The following SPOCK2 variants were observed in gnomAD, a reference collection of about 807,000 sequenced individuals.
SPOCK2 encodes testican-2.
A neutral mutation model predicts 60.1 loss-of-function variants in SPOCK2; 39 were observed. The observed-to-expected ratio is 0.65, with a 90% CI of 0.50 to 0.85. The LOEUF is 0.85. SPOCK2 is among the 40% of genes least tolerant of loss of function. The pLI is 0.00. For synonymous variants in SPOCK2, 217 were observed against 231.5 expected (o/e 0.94, Z 0.57); for missense variants, 523 against 567.4 (o/e 0.92, Z 0.80).
chr10:72,067,764 A>T (rs748169576), intron 6 of SPOCK2, 32 bp from the exon 7 acceptor site: 8 of 1,606,608 alleles, frequency 5.0e-6, no homozygotes, highest in African/African-American at 2.7e-5. Context: ...TGGAGGGCGA[A>T]TGTGCAGTGG....
rs1840882509 is a variant in SPOCK2, at chr10:72,087,843, C to A, written c.189+297G>T. Among the ~76,000 whole-genome samples, 1 of 152,100 alleles carries A rather than the reference C, an allele frequency of 6.6e-6. No individual in the cohort carries two copies. On this transcript the variant is annotated intron_variant, in intron 1 of 10. Coordinates refer to ENST00000373109, the MANE Select transcript of SPOCK2 (RefSeq NM_001244950.2). The surrounding 1 kb of genome is among the most constrained non-coding windows in gnomAD (Gnocchi z 4.7). ...GGGTCCGGGTCCCCCCGGCCCCGCA[C>A]CCCTTCCCACTCCCGGCCCGCAGGG...
intron 4 of SPOCK2, among the ~76,000 whole-genome samples, chr10:72,071,434 C>T (rs1840645993): frequency 1.3e-5 from 2 of 152,206 alleles, no homozygotes; most frequent in Non-Finnish European, 2.9e-5. Context: ...GGTGATCCAC[C>T]CGCCTTGGCT....
At chr10:72,077,844 C>A (rs1367877943) in intron 1 of SPOCK2, among the ~76,000 whole-genome samples, 5 of 152,140 alleles carry the variant, frequency 3.3e-5, no homozygotes, top group Non-Finnish European at 4.4e-5. Flanking sequence ...CTCCCGAATC[C>A]CTCTCGCTTG....
intron 2 of SPOCK2, 167 bp downstream of exon 2, chr10:72,072,735 C>T (rs1391631713): frequency 7.4e-7 from 1 of 1,357,852 alleles, no homozygotes; most frequent in Non-Finnish European, 1.0e-6. Flanking sequence ...CCTATAAACC[C>T]ATGTCCAGAA....
intron 8 of SPOCK2, among the ~76,000 whole-genome samples, chr10:72,064,817 G>C (rs1481467657): frequency 6.6e-6 from 1 of 151,914 alleles, no homozygotes; most frequent in Non-Finnish European, 1.5e-5. Flanking sequence ...TGCAAGCTCT[G>C]CCTCCCGGGT....
At chr10:72,080,984 G>C (rs1840776621) in intron 1 of SPOCK2, among the ~76,000 whole-genome samples, 1 of 152,084 alleles carries the variant, frequency 6.6e-6, no homozygotes, top group Admixed American at 6.5e-5. Context: ...GAGGTGTGAG[G>C]GGCCCGGGGC....
Position 72,075,922 on chromosome 10 carries a change from C to T in SPOCK2, c.190-3012G>A, listed in dbSNP as rs1002352061. Among the ~76,000 whole-genome samples, 3 of 152,180 alleles carry T rather than the reference C, an allele frequency of 2.0e-5. No individual in the cohort carries two copies. In the East Asian group the frequency reaches 5.8e-4, roughly 29 times the overall value. On this transcript the variant is annotated intron_variant, in intron 1 of 10. Transcript: ENST00000373109. ...TGCACCTTGGGCAAGCACCCGACCT[C>T]GAGGGGCTCAGTGCCTATCTCCCAG...
intron 1 of SPOCK2, among the ~76,000 whole-genome samples, chr10:72,083,572 CCT>C (rs1306909749): frequency 6.6e-6 from 1 of 152,212 alleles, no homozygotes; most frequent in African/African-American, 2.4e-5. Flanking sequence ...GGCTTCCCAT[CCT>C]CTCAGGCTGC....
chr10:72,067,212 C>G, intron 7 of SPOCK2, 92 bp from the exon 8 acceptor site: 1 of 1,315,844 alleles, frequency 7.6e-7, no homozygotes, highest in Non-Finnish European at 1.0e-6. Context: ...AGCCCCAGCC[C>G]TCTATTCTGG....
chr10:72,087,168 A>C lies in SPOCK2; in HGVS notation c.189+972T>G, dbSNP rs1840869880. ...CCACACCCTCCGCCCGCCCTGCCTC[A>C]CCCCTGCTTCCCCAGCCCCCAACCC... On this transcript the variant is annotated intron_variant, in intron 1 of 10. Transcript: ENST00000373109. This position sits in a 1 kb window ranked among gnomAD's most constrained non-coding sequence, Gnocchi z 4.7. Among the ~76,000 whole-genome samples, 1 of 143,640 alleles carries C rather than the reference A, an allele frequency of 7.0e-6. No homozygotes were observed. Among genetic ancestry groups the C allele is most frequent in the African/African-American group, 2.6e-5 (1 of 38,150 alleles). 94.2% of individuals were successfully genotyped at this position (143,640 alleles called of 152,430 possible). A position where few individuals can be genotyped will look rare whatever the true frequency, so the allele number is the denominator to read the frequency against.
chr10:72,083,953 G>T (rs1245552), intron 1 of SPOCK2, among the ~76,000 whole-genome samples: 82,203 of 151,904 alleles, frequency 0.54, 24,140 homozygotes, highest in African/African-American at 0.78. Flanking sequence ...AGGTGTGTGG[G>T]GTGGGAAGCA....
rs1212533711 is a variant in SPOCK2 at position 72,067,622 on chromosome 10, G to A, written c.700C>T (p.Pro234Ser). Residue 234 changes from proline (P) to serine (S), a missense_variant, in exon 7 of 11, where the codon CCG (proline) becomes TCG (serine). By Grantham distance (74) the Pro-to-Ser change is moderately conservative. Transcript: ENST00000373109. ...GCAGCAAGCTTCCTACCGCTGGCCGGGCCGGCTACACTGCTGGCTGAGCCA... is the reference window on the plus strand; with the variant it reads ...GCAGCAAGCTTCCTACCGCTGGCCGAGCCGGCTACACTGCTGGCTGAGCCA... ...QNGSASSVAGPASGLDKSLGA... is the reference protein window; with the variant it reads ...QNGSASSVAGSASGLDKSLGA... 1.9e-6 allele frequency: 3 copies of A among 1,612,718 alleles called. No individual in the cohort carries two copies. Among genetic ancestry groups the A allele is most frequent in the East Asian group, 2.2e-5 (1 of 44,878 alleles).
intron 8 of SPOCK2, among the ~76,000 whole-genome samples, chr10:72,065,965 G>A (rs1226730981): frequency 2.0e-5 from 3 of 152,118 alleles, no homozygotes; most frequent in African/African-American, 4.8e-5. Flanking sequence ...GGTGGGGCCC[G>A]GGCTGAAGCT....
Position 72,087,999 on chromosome 10 carries a change from A to C in SPOCK2, c.189+141T>G. 1 of 1,080,364 alleles carries C rather than the reference A, an allele frequency of 9.3e-7. No individual in the cohort carries two copies. The highest frequency in any genetic ancestry group is 1.3e-6 in the Non-Finnish European group (1 of 749,348). The allele number at this position is 1,080,364 out of a possible 1,614,324, so 66.9% of individuals were successfully genotyped here. The stretch of plus-strand genomic sequence containing the variant: ...GGGGCGCTGGGCTGTGACCCCCAGT[A>C]CTGTTTACTTTCCGTGTAATTAGCC... On this transcript the variant is annotated intron_variant, in intron 1 of 10. Transcript: ENST00000373109. The surrounding 1 kb of genome is among the most constrained non-coding windows in gnomAD (Gnocchi z 4.7).
intron 1 of SPOCK2, among the ~76,000 whole-genome samples, chr10:72,073,577 C>G (rs867714926): frequency 2.0e-5 from 3 of 152,220 alleles, no homozygotes; most frequent in South Asian, 2.1e-4. Context: ...GTCCAGCCCC[C>G]CCTTTGTGCC....
intron 1 of SPOCK2, among the ~76,000 whole-genome samples, chr10:72,078,823 G>A (rs550401153): frequency 4.6e-5 from 7 of 152,294 alleles, no homozygotes; most frequent in African/African-American, 1.7e-4. Context: ...CAGGCCAGCT[G>A]TGCCTCACAG....
chr10:72,068,224 C>T lies in SPOCK2; in HGVS notation c.552G>A (p.Thr184=), dbSNP rs146524881. The T allele has an allele frequency of 1.4e-5, 22 of 1,610,318 alleles. No individual in the cohort carries two copies. Among genetic ancestry groups the T allele is most frequent in the Admixed American group, 5.0e-5 (3 of 59,804 alleles). Residue 184 remains threonine (T), a synonymous_variant, in exon 6 of 11, where the codon ACG becomes ACA. Coordinates refer to ENST00000373109, the MANE Select transcript of SPOCK2 (RefSeq NM_001244950.2). ...VRCEGPCPCP[T]EQAATSTADG... Reference sequence around the variant, plus strand: ...CGGCGGTGGAGGTGGCAGCCTGCTCCGTGGGGCAGGGGCAGGGGCCCTCGC... The same window carrying T: ...CGGCGGTGGAGGTGGCAGCCTGCTCTGTGGGGCAGGGGCAGGGGCCCTCGC...
intron 2 of SPOCK2, 144 bp from the exon 3 acceptor site, chr10:72,072,692 G>A (rs779651872): frequency 7.3e-7 from 1 of 1,376,450 alleles, no homozygotes; most frequent in Non-Finnish European, 1.0e-6. Flanking sequence ...TGTCCACCCA[G>A]GCCCTGCCAG....
At chr10:72,067,224 T>C (rs1303191891) in intron 7 of SPOCK2, 104 bp from the exon 8 acceptor site, 1 of 1,190,178 alleles carries the variant, frequency 8.4e-7, no homozygotes, top group African/African-American at 1.5e-5. Flanking sequence ...CTATTCTGGG[T>C]CTGGGCAGCT....
Sources: gnomAD v4.1 joint callset for allele counts (sites outside exome capture counted in the v4.1 genomes callset) on GRCh38, gnomAD v4.1.1 for gene constraint, Gnocchi (gnomAD v3.1) non-coding constraint, MANE v1.5 for transcripts, NCBI Gene and HGNC (gene_info 2026-07-23, HGNC 2026-07-21) for gene names.